Variants in IREB2 observed in about 807,000 individuals in gnomAD.
IREB2 encodes the protein iron responsive element binding protein 2.
In IREB2, 39 loss-of-function variants were observed where a neutral mutation model predicts 118.8. That is an observed-to-expected ratio of 0.33 (90% CI 0.25 to 0.43). The LOEUF (loss-of-function observed/expected upper bound fraction) is 0.43. Ranked by LOEUF, IREB2 falls within the 20% of genes least tolerant of loss-of-function variation. The probability of loss-of-function intolerance (pLI) is 1.00; values close to 1 mark genes in which losing one functional copy is unlikely to be tolerated. For missense variants in IREB2, 900 were observed against 1,147.3 expected (o/e 0.78, Z 3.11); for synonymous variants, 372 against 392.2 (o/e 0.95, Z 0.61).
chr15:78,451,496 C>T (rs1224169565), intron 2 of IREB2, among the ~76,000 whole-genome samples: 1 of 152,146 alleles, frequency 6.6e-6, no homozygotes, highest in Non-Finnish European at 1.5e-5. Context: ...GACTTGACCT[C>T]AGCAGTTGAG....
intron 2 of IREB2, among the ~76,000 whole-genome samples, chr15:78,444,260 CAGT>C (rs1315098944): frequency 6.6e-6 from 1 of 152,052 alleles, no homozygotes; most frequent in African/African-American, 2.4e-5. Flanking sequence ...GTGGAGAAAT[CAGT>C]GGTGTCTCCA....
Position 78,499,499 on chromosome 15 carries a change from C to G in IREB2, c.*1356C>G, listed in dbSNP as rs530097318. 4 of 152,196 alleles carry G rather than the reference C, an allele frequency of 2.6e-5. No individual in the cohort carries two copies. The East Asian group carries it at 7.7e-4, about 29-fold the overall frequency. The allele number at this position is 152,196 out of a possible 1,614,324, so 9.4% of individuals were successfully genotyped here. ...TTAGTTCACATTGCATAAAGAATTA[C>G]TTGTTGTAAGCAAAATGCTGAAACT... is the stretch of plus-strand genomic sequence containing the variant. On this transcript the variant is annotated 3_prime_UTR_variant, in exon 22 of 22. Transcript: ENST00000258886.
At chr15:78,440,773 G>T (rs1185997190) in intron 2 of IREB2, among the ~76,000 whole-genome samples, 5 of 152,092 alleles carry the variant, frequency 3.3e-5, no homozygotes, top group Non-Finnish European at 5.9e-5. Flanking sequence ...GAAGTATTGG[G>T]CATGGTTTGC....
chr15:78,475,490 A>G (rs2051453430), intron 8 of IREB2: 1 of 152,190 alleles, frequency 6.6e-6, no homozygotes, highest in Admixed American at 6.5e-5. Flanking sequence ...ATACAGTTTC[A>G]TCAGTCTATT....
intron 3 of IREB2, among the ~76,000 whole-genome samples, chr15:78,464,300 G>C (rs1214393112): frequency 5.3e-5 from 8 of 152,162 alleles, no homozygotes; most frequent in Non-Finnish European, 7.4e-5. Context: ...GATTTTGCCT[G>C]ATCTAGGTGT....
chr15:78,473,962 T>C (rs555085848), intron 8 of IREB2: 1 of 152,356 alleles, frequency 6.6e-6, no homozygotes, highest in East Asian at 1.9e-4. Context: ...ACTGTAGAAA[T>C]GTGATATATC....
At chr15:78,451,350 CT>C (rs1255449929) in intron 2 of IREB2, among the ~76,000 whole-genome samples, 1 of 149,438 alleles carries the variant, frequency 6.7e-6, no homozygotes, top group African/African-American at 2.5e-5. Context: ...AAAAACTGTT[CT>C]TTAAAAAAAA....
At position 78,438,853 on chromosome 15, in the gene IREB2, A is replaced by T. The variant is rs62010408; in HGVS notation, c.19+497A>T. ...GAATGAGGGGCAGTCAAGGTTGAAC[A>T]TTGGTCAGTCAGTTCTCCGACCATT... On this transcript the variant is annotated intron_variant, in intron 1 of 21. Transcript: ENST00000258886. 1,148 of 156,752 alleles carry T rather than the reference A, an allele frequency of 7.3e-3. 5 individuals carry two copies. Among genetic ancestry groups the T allele is most frequent in the Admixed American group, 0.013 (197 of 15,308 alleles). The allele number at this position is 156,752 out of a possible 1,614,324, so 9.7% of individuals were successfully genotyped here. A position where few individuals can be genotyped will look rare whatever the true frequency, so the allele number is the denominator to read the frequency against.
At chr15:78,453,391 G>T (rs1426593985) in intron 2 of IREB2, among the ~76,000 whole-genome samples, 1 of 151,884 alleles carries the variant, frequency 6.6e-6, no homozygotes, top group Non-Finnish European at 1.5e-5. Context: ...TAGGGCTAAG[G>T]TGAGTGGAAG....
rs34883279 is a variant in IREB2 at position 78,480,706 on chromosome 15, A to AAT, written c.1296+2309_1296+2310insAT. Among the ~76,000 whole-genome samples, 3 of 145,688 alleles carry AAT rather than the reference A, an allele frequency of 2.1e-5. No individual in the cohort carries two copies. In the South Asian group the frequency reaches 6.6e-4, roughly 32 times the overall value. On this transcript the variant is annotated intron_variant, in intron 10 of 21. Transcript: ENST00000258886. ...TGTCTTAAAAAAAAAAAAAAAAAAA[A>AAT]TGTCTGGCCGGGCGTGGTGGCTCAC... is the stretch of plus-strand genomic sequence containing the variant.
At chr15:78,475,074 A>C (rs1201038678) in intron 8 of IREB2, 1 of 151,312 alleles carries the variant, frequency 6.6e-6, no homozygotes, top group African/African-American at 2.4e-5. Context: ...AAAAAAAAAA[A>C]AAAAAAAAAA....
rs1567158083 is a variant in IREB2 at position 78,438,298 on chromosome 15, C to A, written c.-40C>A. 3 of 1,561,748 alleles carry A rather than the reference C, an allele frequency of 1.9e-6. No homozygotes were observed. The highest frequency in any genetic ancestry group is 1.7e-6 in the Non-Finnish European group (2 of 1,149,480). On this transcript the variant is annotated 5_prime_UTR_variant, in exon 1 of 22. Coordinates refer to ENST00000258886, the MANE Select transcript of IREB2 (RefSeq NM_004136.4). ...CTGCCCGGCCTCCCCCTTCTTCCCC[C>A]GCTGGCCCCCTCCCCGGAGGGATAA...
At chr15:78,445,690 C>G (rs1033414464) in intron 2 of IREB2, among the ~76,000 whole-genome samples, 11 of 152,170 alleles carry the variant, frequency 7.2e-5, no homozygotes, top group Non-Finnish European at 1.5e-4. Flanking sequence ...TGTATAATGC[C>G]CAATATGGCC....
Position 78,483,392 on chromosome 15 carries a change from G to A in IREB2, c.1371G>A (p.Val457=). Residue 457 remains valine (V), a synonymous_variant, in exon 11 of 22, where the codon GTG becomes GTA. Coordinates refer to ENST00000258886, the MANE Select transcript of IREB2 (RefSeq NM_004136.4). Reference sequence around the variant, plus strand: ...AAAGACCTCAGGATAGAGTTGCTGTGACAGATATGAAAAGCGATTTCCAGG... The same window carrying A: ...AAAGACCTCAGGATAGAGTTGCTGTAACAGATATGAAAAGCGATTTCCAGG... ...GPKRPQDRVA[V]TDMKSDFQAC... 1 of 1,607,756 alleles carries A rather than the reference G, an allele frequency of 6.2e-7. No individual in the cohort carries two copies. Among genetic ancestry groups the A allele is most frequent in the Non-Finnish European group, 8.5e-7 (1 of 1,174,364 alleles).
chr15:78,443,590 G>A (rs2050879479), intron 2 of IREB2, among the ~76,000 whole-genome samples: 1 of 151,986 alleles, frequency 6.6e-6, no homozygotes, highest in Non-Finnish European at 1.5e-5. Flanking sequence ...GATTTTGCTT[G>A]TGGGGAATCT....
chr15:78,453,718 T>A (rs1335049366), intron 2 of IREB2, among the ~76,000 whole-genome samples: 1 of 152,158 alleles, frequency 6.6e-6, no homozygotes, highest in African/African-American at 2.4e-5. Context: ...AACTGTTAGT[T>A]TCTATTTATC....
chr15:78,471,387 G>A (rs1229989493), intron 6 of IREB2, among the ~76,000 whole-genome samples: 1 of 152,334 alleles, frequency 6.6e-6, no homozygotes, highest in East Asian at 1.9e-4. Flanking sequence ...AAACCCTATT[G>A]TGTAGAGAAA....
intron 11 of IREB2, 109 bp downstream of exon 11, chr15:78,483,543 T>C: frequency 1.5e-6 from 1 of 665,140 alleles, no homozygotes; most frequent in South Asian, 1.9e-5. Context: ...TTATATATTA[T>C]GGCACACACC....
Position 78,457,673 on chromosome 15 carries a change from G to GCTCA in IREB2, c.107-5248_107-5245dup, listed in dbSNP as rs1320201567. Among the ~76,000 whole-genome samples, 5 of 151,914 alleles carry GCTCA rather than the reference G, an allele frequency of 3.3e-5. No individual in the cohort carries two copies. In the East Asian group the frequency reaches 7.7e-4, roughly 23 times the overall value. On this transcript the variant is annotated intron_variant, in intron 2 of 21. Transcript: ENST00000258886. Reference sequence around the variant, plus strand: ...GTTTCAGCTGTCTCTCCTCTGTTCTGCTCAGTCCATTACCAGTCATCCATC... The same window carrying GCTCA: ...GTTTCAGCTGTCTCTCCTCTGTTCTGCTCACTCAGTCCATTACCAGTCATCCATC...
Sources: gnomAD v4.1 joint callset for allele counts (sites outside exome capture counted in the v4.1 genomes callset) on GRCh38, gnomAD v4.1.1 for gene constraint, MANE v1.5 for transcripts, NCBI Gene and HGNC (gene_info 2026-07-23, HGNC 2026-07-21) for gene names.